Variants in KCNQ1 observed in about 807,000 individuals in gnomAD.
The protein encoded by KCNQ1 is potassium voltage-gated channel subfamily Q member 1.
Under a neutral mutation model 72.4 loss-of-function variants are expected in KCNQ1, and 49 were observed. The ratio of observed to expected loss-of-function variants is 0.68; its 90% CI spans 0.54 to 0.86. KCNQ1 has a LOEUF of 0.86. Among genes scored for constraint, KCNQ1 ranks in the 40% least tolerant of loss-of-function variants. The pLI, the probability that KCNQ1 is intolerant of heterozygous loss-of-function variation, is 0.00. For missense variants in KCNQ1, 790 were observed against 945.1 expected, an observed-to-expected ratio of 0.84 and a Z score of 2.15; for synonymous variants, 450 against 412.6, an observed-to-expected ratio of 1.09 and a Z score of -1.10.
chr11:2,841,884 TCA>T (rs1312527516), intron 15 of KCNQ1, among the ~76,000 whole-genome samples: 2 of 152,076 alleles, frequency 1.3e-5, no homozygotes, highest in Admixed American at 6.5e-5. Flanking sequence ...TGGGCCTCTC[TCA>T]GAGGGAGGCA....
intron 15 of KCNQ1, among the ~76,000 whole-genome samples, chr11:2,820,247 C>A (rs908371525): frequency 2.0e-5 from 3 of 152,200 alleles, no homozygotes; most frequent in African/African-American, 7.2e-5. Flanking sequence ...ATCCCACACT[C>A]TTGGCATGTA....
In KCNQ1 at chr11:2,515,434, T is replaced by C. The variant is rs1847272520; in HGVS notation, c.387-12494T>C. ...CCTGGCCCAGGGGCGGGGAGGCCTG[T>C]CCACCCCTCCCACCCGTCCCCGAGG... On this transcript the variant is annotated intron_variant, in intron 1 of 15. Transcript: ENST00000155840. The surrounding 1 kb of genome is among the most constrained non-coding windows in gnomAD (Gnocchi z 4.7). 6.8e-6 allele frequency among the ~76,000 whole-genome samples: 1 copy of C among 146,128 alleles called. No homozygotes were observed. The highest frequency in any genetic ancestry group is 1.5e-5 in the Non-Finnish European group (1 of 65,426).
intron 15 of KCNQ1, among the ~76,000 whole-genome samples, chr11:2,837,019 C>G (rs888951590): frequency 2.6e-5 from 4 of 152,148 alleles, no homozygotes; most frequent in African/African-American, 9.7e-5. Flanking sequence ...GACAAGCACC[C>G]CAGCCGCAGA....
At position 2,575,177 on chromosome 11, in the gene KCNQ1, G is replaced by A. The variant is rs150375691; in HGVS notation, c.921+2191G>A. Among the ~76,000 whole-genome samples the A allele has an allele frequency of 2.9e-3, 444 of 152,274 alleles. 1 individual carries two copies. The highest frequency in any genetic ancestry group is 0.01 in the Middle Eastern group (3 of 294). ...ACGCTACTCCCCAGCCCCCCAGCCC[G>A]CAGCAGAGCGGCACTCCCACTCCCA... On this transcript the variant is annotated intron_variant, in intron 6 of 15. Coordinates refer to ENST00000155840, the MANE Select transcript of KCNQ1 (RefSeq NM_000218.3).
At position 2,598,609 on chromosome 11, in the gene KCNQ1, T is replaced by TAAAAAAAA. The variant is rs767929610; in HGVS notation, c.1393+9760_1393+9767dup. Among the ~76,000 whole-genome samples, 77 of 143,622 alleles carry TAAAAAAAA rather than the reference T, an allele frequency of 5.4e-4. No homozygotes were observed. The highest frequency in any genetic ancestry group is 1.9e-3 in the African/African-American group (72 of 38,694). The allele number at this position is 143,622 out of a possible 152,430, so 94.2% of individuals were successfully genotyped here. ...CATTTAGGTCTGCTCTGCCCTTAGT[T>TAAAAAAAA]AAAAAAAAAAAACCCTAATACATCT... On this transcript the variant is annotated intron_variant, in intron 10 of 15. Transcript: ENST00000155840. This position sits in a 1 kb window ranked among gnomAD's most constrained non-coding sequence, Gnocchi z 6.2.
chr11:2,614,486 T>G (rs1849028959), intron 10 of KCNQ1: 2 of 398,544 alleles, frequency 5.0e-6, no homozygotes, highest in Non-Finnish European at 8.8e-6. Context: ...TTTACTCCTG[T>G]TTTCTACTAA....
At position 2,781,761 on chromosome 11, in the gene KCNQ1, G is replaced by A. The variant is rs1466669285; in HGVS notation, c.1794+3724G>A. ...ATGAGGAGCACAGTGGGCTGGGAGA[G>A]TTTCTTTCTTCTCTGTTTTTGCCGG... On this transcript the variant is annotated intron_variant, in intron 15 of 15. Coordinates refer to ENST00000155840, the MANE Select transcript of KCNQ1 (RefSeq NM_000218.3). The surrounding 1 kb of genome is among the most constrained non-coding windows in gnomAD (Gnocchi z 6.6). Among the ~76,000 whole-genome samples the A allele has an allele frequency of 2.0e-5, 3 of 152,220 alleles. No homozygotes were observed. The highest frequency in any genetic ancestry group is 7.2e-5 in the African/African-American group (3 of 41,464).
chr11:2,458,958 C>T lies in KCNQ1; in HGVS notation c.386+13474C>T, dbSNP rs1846235697. ...TGACAAATATTGGATTAAATTACTT[C>T]TGGTTTGCTGCATGTTCCATTTTTG... On this transcript the variant is annotated intron_variant, in intron 1 of 15. Transcript: ENST00000155840. This position sits in a 1 kb window ranked among gnomAD's most constrained non-coding sequence, Gnocchi z 4.6. 6.6e-6 allele frequency among the ~76,000 whole-genome samples: 1 copy of T among 152,240 alleles called. No homozygotes were observed. Among genetic ancestry groups the T allele is most frequent in the South Asian group, 2.1e-4 (1 of 4,830 alleles).
rs1251777318 is a variant in KCNQ1, at chr11:2,621,815, C to G, written c.1393+32961C>G. The stretch of plus-strand genomic sequence containing the variant: ...TTTTTCAAAAATCAATTCTTTGTTT[C>G]AAAAATTGAAGTCTTAGTTTTACTG... On this transcript the variant is annotated intron_variant, in intron 10 of 15. Coordinates refer to ENST00000155840, the MANE Select transcript of KCNQ1 (RefSeq NM_000218.3). This position sits in a 1 kb window ranked among gnomAD's most constrained non-coding sequence, Gnocchi z 5.7. 2.5e-6 allele frequency: 1 copy of G among 398,118 alleles called. No individual in the cohort carries two copies. The highest frequency in any genetic ancestry group is 3.6e-5 in the East Asian group (1 of 28,006). 24.7% of individuals were successfully genotyped at this position (398,118 alleles called of 1,614,324 possible).
Position 2,826,368 on chromosome 11 carries a change from A to C in KCNQ1, c.1795-21399A>C, listed in dbSNP as rs1847840080. 6.6e-6 allele frequency among the ~76,000 whole-genome samples: 1 copy of C among 152,158 alleles called. No individual in the cohort carries two copies. Among genetic ancestry groups the C allele is most frequent in the African/African-American group, 2.4e-5 (1 of 41,436 alleles). On this transcript the variant is annotated intron_variant, in intron 15 of 15. Transcript: ENST00000155840. This position sits in a 1 kb window ranked among gnomAD's most constrained non-coding sequence, Gnocchi z 4.2. ...AGCTTCCCAGGGTCTCCTGGCAGTAACCAGGCCAGCTGGGGGTCAGAACCC... is the reference window on the plus strand; with the variant it reads ...AGCTTCCCAGGGTCTCCTGGCAGTACCCAGGCCAGCTGGGGGTCAGAACCC...
chr11:2,511,683 C>T (rs1564801877), intron 1 of KCNQ1, among the ~76,000 whole-genome samples: 1 of 152,224 alleles, frequency 6.6e-6, no homozygotes, highest in Non-Finnish European at 1.5e-5. Context: ...CCATGCCAGG[C>T]CTGTTGCAAA....
chr11:2,655,414 T>C (rs1590010027), intron 10 of KCNQ1: 1 of 398,632 alleles, frequency 2.5e-6, no homozygotes, highest in African/African-American at 2.1e-5. Flanking sequence ...GTGCTCTTTG[T>C]CCCCAGGGCC....
At chr11:2,540,143 T>A (rs1847801331) in intron 2 of KCNQ1, among the ~76,000 whole-genome samples, 1 of 152,130 alleles carries the variant, frequency 6.6e-6, no homozygotes, top group Non-Finnish European at 1.5e-5. Context: ...GTCCACCCGC[T>A]GTGTCCCTGA....
At position 2,599,163 on chromosome 11, in the gene KCNQ1, C is replaced by G. The variant is rs558766729; in HGVS notation, c.1393+10309C>G. Among the ~76,000 whole-genome samples, 138 of 152,220 alleles carry G rather than the reference C, an allele frequency of 9.1e-4. 1 individual carries two copies. The highest frequency in any genetic ancestry group is 3.2e-3 in the African/African-American group (131 of 41,536). On this transcript the variant is annotated intron_variant, in intron 10 of 15. Transcript: ENST00000155840. This position sits in a 1 kb window ranked among gnomAD's most constrained non-coding sequence, Gnocchi z 4.7. ...ATGTTGATAATCTAGGATTTGTTGT[C>G]TTACATTTTTCCTGATGTTCATATA... is the stretch of plus-strand genomic sequence containing the variant.
Position 2,664,717 on chromosome 11 carries a change from C to T in KCNQ1, c.1514+2636C>T, listed in dbSNP as rs12271234. ...ACCCTGAACTGGGAAGAGAGGCACACGCCCTGGTGTGTGTGAGGGACAGGG... is the reference window on the plus strand; with the variant it reads ...ACCCTGAACTGGGAAGAGAGGCACATGCCCTGGTGTGTGTGAGGGACAGGG... On this transcript the variant is annotated intron_variant, in intron 11 of 15. Transcript: ENST00000155840. This position sits in a 1 kb window ranked among gnomAD's most constrained non-coding sequence, Gnocchi z 5.1. 0.62 allele frequency: 245,102 copies of T among 398,462 alleles called. 76,758 individuals are homozygous for T. The highest frequency in any genetic ancestry group is 0.83 in the East Asian group (23,236 of 28,072). 24.7% of individuals were successfully genotyped at this position (398,462 alleles called of 1,614,324 possible).
At chr11:2,517,193 GC>G (rs1847302113) in intron 1 of KCNQ1, among the ~76,000 whole-genome samples, 1 of 152,198 alleles carries the variant, frequency 6.6e-6, no homozygotes, top group South Asian at 2.1e-4. Flanking sequence ...GCGTCCAGGA[GC>G]CCCGTGCGCA....
At position 2,497,799 on chromosome 11, in the gene KCNQ1, T is replaced by G. The variant is rs1286963999; in HGVS notation, c.387-30129T>G. Reference sequence around the variant, plus strand: ...TTGTGCTGGTTTTTCCTCATCTTTGTGGATTTATCTGCCTTTGCTCTTTGA... The same window carrying G: ...TTGTGCTGGTTTTTCCTCATCTTTGGGGATTTATCTGCCTTTGCTCTTTGA... On this transcript the variant is annotated intron_variant, in intron 1 of 15. Coordinates refer to ENST00000155840, the MANE Select transcript of KCNQ1 (RefSeq NM_000218.3). This position sits in a 1 kb window ranked among gnomAD's most constrained non-coding sequence, Gnocchi z 4.5. 6.6e-6 allele frequency among the ~76,000 whole-genome samples: 1 copy of G among 152,222 alleles called. No homozygotes were observed. The highest frequency in any genetic ancestry group is 2.4e-5 in the African/African-American group (1 of 41,462).
intron 1 of KCNQ1, among the ~76,000 whole-genome samples, chr11:2,502,613 A>G (rs1847036017): frequency 6.6e-6 from 1 of 152,204 alleles, no homozygotes; most frequent in South Asian, 2.1e-4. Context: ...GTATTGTCTA[A>G]AGCAATCTAC....
intron 10 of KCNQ1, among the ~76,000 whole-genome samples, chr11:2,605,717 T>C (rs992697214): frequency 1.3e-5 from 2 of 152,230 alleles, no homozygotes; most frequent in Admixed American, 1.3e-4. Context: ...TCAGGAAGTA[T>C]GAAGCCTCCA....
Sources: gnomAD v4.1 joint callset for allele counts (sites outside exome capture counted in the v4.1 genomes callset) on GRCh38, gnomAD v4.1.1 for gene constraint, Gnocchi (gnomAD v3.1) non-coding constraint, MANE v1.5 for transcripts, NCBI Gene and HGNC (gene_info 2026-07-23, HGNC 2026-07-21) for gene names.